AFTPH: variants seen among roughly 807,000 people sequenced by gnomAD.
The protein encoded by AFTPH is aftiphilin protein.
Under a neutral mutation model 72.5 loss-of-function variants are expected in AFTPH, and 7 were observed. The ratio of observed to expected loss-of-function variants is 0.10; its 90% confidence interval spans 0.05 to 0.18. AFTPH has a LOEUF of 0.18. Ranked by LOEUF, AFTPH falls within the 10% of genes least tolerant of loss-of-function variation. The pLI is 1.00. For synonymous variants in AFTPH, 337 were observed against 370.1 expected, an observed-to-expected ratio of 0.91 and a Z score of 1.03; for missense variants, 979 against 1,060.5, an observed-to-expected ratio of 0.92 and a Z score of 1.07.
At chr2:64,580,719 T>C (rs1418405501) in intron 7 of AFTPH, 2 of 152,932 alleles carry the variant, frequency 1.3e-5, no homozygotes, top group African/African-American at 4.8e-5. Flanking sequence ...AGTTAACACA[T>C]TGGTGCGTGT....
intron 2 of AFTPH, among the ~76,000 whole-genome samples, chr2:64,553,771 T>C (rs1180535076): frequency 6.6e-6 from 1 of 151,062 alleles, no homozygotes; most frequent in Non-Finnish European, 1.5e-5. Context: ...AGTATTACCC[T>C]TTACAGTGAT....
At chr2:64,581,051 T>C in intron 7 of AFTPH, 139 bp from the exon 8 acceptor site, 1 of 573,674 alleles carries the variant, frequency 1.7e-6, no homozygotes, top group Non-Finnish European at 3.1e-6. Context: ...GTTTTAATGT[T>C]GATTTTTAAA....
chr2:64,551,752 C>T, exon 2 of AFTPH: 1 of 1,613,694 alleles, frequency 6.2e-7, no homozygotes, highest in Non-Finnish European at 8.5e-7. Flanking sequence ...AAGGACATCA[C>T]TGCTGAACTT....
Position 64,585,799 on chromosome 2 carries a change from C to A in AFTPH, c.2579+254C>A, listed in dbSNP as rs201420048. 8.0e-5 allele frequency among the ~76,000 whole-genome samples: 12 copies of A among 150,806 alleles called. No homozygotes were observed. The East Asian group carries it at 1.8e-3, about 22-fold the overall frequency. ...TCTTCCCCCACCCCCTGCCCCCCCA[C>A]CTCACTTTGTAGAGACTAATTCTGA... is the stretch of plus-strand genomic sequence containing the variant. On this transcript the variant is annotated intron_variant, in intron 8 of 8. Transcript: ENST00000238856.
At chr2:64,573,160 T>A in intron 6 of AFTPH, 92 bp downstream of exon 6, 1 of 959,884 alleles carries the variant, frequency 1.0e-6, no homozygotes, top group Non-Finnish European at 1.5e-6. Context: ...TATGACTGTT[T>A]TAAAAATATT....
At chr2:64,572,750 C>T (rs1672518128) in intron 5 of AFTPH, among the ~76,000 whole-genome samples, 196 bp from the exon 6 acceptor site, 1 of 151,948 alleles carries the variant, frequency 6.6e-6, no homozygotes, top group African/African-American at 2.4e-5. Context: ...AAGAGGATCC[C>T]TTAAGCCAGG....
At chr2:64,563,915 A>G (rs940717924) in intron 2 of AFTPH, among the ~76,000 whole-genome samples, 1 of 152,202 alleles carries the variant, frequency 6.6e-6, no homozygotes, top group Non-Finnish European at 1.5e-5. Context: ...TGAGAAGCAA[A>G]GTATTCTTAA....
At chr2:64,524,598 C>G (rs758990425) in exon 1 of AFTPH, 33 of 398,740 alleles carry the variant, frequency 8.3e-5, no homozygotes, top group Non-Finnish European at 1.3e-4. Flanking sequence ...ATCGCAGCCG[C>G]CCCGAAGGAG....
exon 2 of AFTPH, chr2:64,552,100 G>A (rs376875544): frequency 3.7e-5 from 60 of 1,613,904 alleles, no homozygotes; most frequent in Non-Finnish European, 4.1e-5. Flanking sequence ...TCAAAGGGAC[G>A]GAAGCCTCTT....
At chr2:64,538,079 TAGAG>T (rs1189868912) in intron 1 of AFTPH, among the ~76,000 whole-genome samples, 1 of 152,130 alleles carries the variant, frequency 6.6e-6, no homozygotes, top group Non-Finnish European at 1.5e-5. Flanking sequence ...TCAGAGTACA[TAGAG>T]AGTAAGGGTA....
intron 8 of AFTPH, among the ~76,000 whole-genome samples, chr2:64,587,105 A>T (rs1673563902): frequency 6.6e-6 from 1 of 152,152 alleles, no homozygotes; most frequent in African/African-American, 2.4e-5. Context: ...TTGTTCTCCT[A>T]ATTCGTTAAC....
At chr2:64,552,309 G>A in exon 2 of AFTPH, 1 of 1,614,102 alleles carries the variant, frequency 6.2e-7, no homozygotes, top group Non-Finnish European at 8.5e-7. Flanking sequence ...TGTAAAAGAA[G>A]TGGCTTTGGG....
chr2:64,525,872 A>T (rs940193801), intron 1 of AFTPH, among the ~76,000 whole-genome samples: 5 of 152,254 alleles, frequency 3.3e-5, no homozygotes, highest in African/African-American at 1.2e-4. Flanking sequence ...GTTCATAAAG[A>T]TATTTCACAT....
chr2:64,592,670 T>C (rs1043934270), exon 9 of AFTPH: 6 of 152,604 alleles, frequency 3.9e-5, no homozygotes, highest in Non-Finnish European at 8.8e-5. Context: ...TTAAAGAGAT[T>C]GTGTCTGTTT....
intron 3 of AFTPH, among the ~76,000 whole-genome samples, chr2:64,567,950 G>A (rs1337140689): frequency 1.3e-5 from 2 of 151,740 alleles, no homozygotes; most frequent in Non-Finnish European, 1.5e-5. Flanking sequence ...TGAGGTTGAG[G>A]CACAAGAATC....
chr2:64,555,582 C>G (rs1020210339), intron 2 of AFTPH, among the ~76,000 whole-genome samples: 1 of 151,570 alleles, frequency 6.6e-6, no homozygotes, highest in African/African-American at 2.4e-5. Flanking sequence ...CACACACACA[C>G]ACACACACAC....
rs58124855 is a variant in AFTPH, at chr2:64,545,570, T to TA, written c.-32-5831dup. On this transcript the variant is annotated intron_variant, in intron 1 of 8. Coordinates refer to ENST00000238856, the Ensembl canonical transcript of AFTPH. ...CTGTACAATGGAATGCCACCAGCAGTAAAAAAAAAAAAAAAAAAAAAAAAA... is the reference window on the plus strand; with the variant it reads ...CTGTACAATGGAATGCCACCAGCAGTAAAAAAAAAAAAAAAAAAAAAAAAAA... Among the ~76,000 whole-genome samples the TA allele has an allele frequency of 2.8e-3, 67 of 24,196 alleles. 26 individuals are homozygous for TA. The highest frequency in any genetic ancestry group is 7.0e-3 in the East Asian group (5 of 710). The allele number at this position is 24,196 out of a possible 152,430, so 15.9% of individuals were successfully genotyped here. A position where few individuals can be genotyped will look rare whatever the true frequency, so the allele number is the denominator to read the frequency against.
At chr2:64,566,676 G>A (rs900585692) in intron 2 of AFTPH, among the ~76,000 whole-genome samples, 1 of 152,026 alleles carries the variant, frequency 6.6e-6, no homozygotes, top group Non-Finnish European at 1.5e-5. Flanking sequence ...AGGAAAATAG[G>A]AATGAATGTT....
intron 1 of AFTPH, among the ~76,000 whole-genome samples, chr2:64,528,817 T>C (rs1419736428): frequency 6.6e-6 from 1 of 152,220 alleles, no homozygotes; most frequent in Non-Finnish European, 1.5e-5. Context: ...ACAGAAATTC[T>C]AATGACTTAG....
Sources: allele counts gnomAD v4.1 joint callset (sites outside exome capture counted in the v4.1 genomes callset), GRCh38; gene constraint gnomAD v4.1.1; transcripts MANE v1.5; gene names NCBI Gene and HGNC (gene_info 2026-07-23, HGNC 2026-07-21).